RNF169: variants seen among roughly 807,000 people sequenced by gnomAD.
RNF169 encodes the protein ring finger protein 169.
A neutral mutation model predicts 53.9 loss-of-function variants in RNF169; 24 were observed. That is an observed-to-expected ratio of 0.45 (90% confidence interval 0.32 to 0.63). The LOEUF is 0.63. Ranked by LOEUF, RNF169 falls within the 20% of genes least tolerant of loss-of-function variation. The pLI, the probability that RNF169 is intolerant of heterozygous loss-of-function variation, is 0.04. For synonymous variants in RNF169, 396 were observed against 363.5 expected (o/e 1.09, Z -1.02); for missense variants, 883 against 906.2 (o/e 0.97, Z 0.33).
intron 1 of RNF169, among the ~76,000 whole-genome samples, chr11:74,762,579 C>T (rs554439308): frequency 7.2e-5 from 11 of 152,318 alleles, no homozygotes; most frequent in African/African-American, 1.4e-4. Context: ...CCGTCTTCTG[C>T]GTCGCTCACG....
intron 2 of RNF169, among the ~76,000 whole-genome samples, chr11:74,792,042 T>A (rs1161686902): frequency 6.6e-6 from 1 of 152,222 alleles, no homozygotes; most frequent in African/African-American, 2.4e-5. Context: ...AGAGAAAAGA[T>A]CATAGGAAAC....
At chr11:74,785,254 G>GATAT (rs372269376) in intron 1 of RNF169, among the ~76,000 whole-genome samples, 24,567 of 135,568 alleles carry the variant, frequency 0.18, 2,484 homozygotes, top group South Asian at 0.39. Flanking sequence ...ATATATGTTA[G>GATAT]ATATATATGT....
At chr11:74,788,310 C>CAG (rs2035533666) in intron 1 of RNF169, among the ~76,000 whole-genome samples, 1 of 151,936 alleles carries the variant, frequency 6.6e-6, no homozygotes. Context: ...TAAACACACA[C>CAG]ACACACACAC....
At chr11:74,771,195 C>G (rs542481452) in intron 1 of RNF169, among the ~76,000 whole-genome samples, 1 of 152,208 alleles carries the variant, frequency 6.6e-6, no homozygotes, top group South Asian at 2.1e-4. Context: ...TTTGCCATCA[C>G]TTAAAGTAGA....
intron 2 of RNF169, among the ~76,000 whole-genome samples, chr11:74,799,305 T>C (rs2035696568): frequency 6.6e-6 from 1 of 152,044 alleles, no homozygotes; most frequent in African/African-American, 2.4e-5. Flanking sequence ...TTTAACTACA[T>C]GAGGGAAGAA....
At chr11:74,796,651 G>T (rs1489448729) in intron 2 of RNF169, among the ~76,000 whole-genome samples, 1 of 151,976 alleles carries the variant, frequency 6.6e-6, no homozygotes, top group African/African-American at 2.4e-5. Flanking sequence ...TGAATCATTG[G>T]ACTCTGAAAG....
At chr11:74,757,076 C>T (rs2034995629) in intron 1 of RNF169, among the ~76,000 whole-genome samples, 1 of 143,320 alleles carries the variant, frequency 7.0e-6, no homozygotes. Context: ...ATACATGTGC[C>T]ATGCTGGTGC....
chr11:74,764,716 G>C (rs115625173), intron 1 of RNF169, among the ~76,000 whole-genome samples: 1,689 of 152,224 alleles, frequency 0.011, 31 homozygotes, highest in African/African-American at 0.037. Context: ...AGCCAGTGTT[G>C]ACTGTATAAA....
chr11:74,820,348 G>A (rs1473386670), intron 4 of RNF169, among the ~76,000 whole-genome samples: 1 of 152,044 alleles, frequency 6.6e-6, no homozygotes, highest in East Asian at 1.9e-4. Context: ...TAGGGCAGGG[G>A]GGTTTACTCT....
intron 1 of RNF169, among the ~76,000 whole-genome samples, chr11:74,772,472 G>GTTTT (rs35350939): frequency 1.6e-5 from 2 of 128,168 alleles, no homozygotes; most frequent in Non-Finnish European, 1.7e-5. Flanking sequence ...AGGGATGCTG[G>GTTTT]TTTTTTTTTT....
intron 2 of RNF169, among the ~76,000 whole-genome samples, chr11:74,799,250 T>C (rs950709062): frequency 2.6e-5 from 4 of 151,658 alleles, no homozygotes; most frequent in African/African-American, 9.7e-5. Context: ...AGGTAACAGG[T>C]GTGGTATTAA....
Position 74,834,749 on chromosome 11 carries a change from A to G in RNF169, c.916A>G (p.Arg306Gly). Residue 306 changes from arginine (R) to glycine (G), a missense_variant, in exon 5 of 6, where the codon AGA (arginine) becomes GGA (glycine). Arg to Gly is a moderately radical substitution (Grantham distance 125, BLOSUM62 -2). Transcript: ENST00000299563. Reference protein sequence around the residue: ...TAQERAKSRVRAVPGNKAKVT... With the variant: ...TAQERAKSRVGAVPGNKAKVT... ...CCAGGAAAGAGCGAAGAGCAGAGTCAGAGCAGTTCCAGGCAACAAAGCCAA... is the reference window on the plus strand; with the variant it reads ...CCAGGAAAGAGCGAAGAGCAGAGTCGGAGCAGTTCCAGGCAACAAAGCCAA... 6.2e-7 allele frequency: 1 copy of G among 1,614,136 alleles called. No homozygotes were observed. The highest frequency in any genetic ancestry group is 2.2e-5 in the East Asian group (1 of 44,880).
At chr11:74,835,155 T>G (rs928068030) in intron 5 of RNF169, among the ~76,000 whole-genome samples, 1 of 152,168 alleles carries the variant, frequency 6.6e-6, no homozygotes, top group Non-Finnish European at 1.5e-5. Context: ...GGGGAATTTT[T>G]AAATTTTTTT....
intron 2 of RNF169, among the ~76,000 whole-genome samples, chr11:74,792,261 A>G (rs1003448563): frequency 6.6e-6 from 1 of 152,248 alleles, no homozygotes; most frequent in Non-Finnish European, 1.5e-5. Flanking sequence ...GAATGTACAC[A>G]TACAATATTT....
At chr11:74,772,565 A>G (rs1203981513) in intron 1 of RNF169, among the ~76,000 whole-genome samples, 2 of 150,672 alleles carry the variant, frequency 1.3e-5, no homozygotes, top group Non-Finnish European at 2.9e-5. Context: ...TGCATAGCCA[A>G]CTGCCTGGTT....
At position 74,840,892 on chromosome 11, in the gene RNF169, C is replaced by G. The variant is rs1381439864; in HGVS notation, c.*4162C>G. ...TAAATAATCATTAAAGTTTGACACA[C>G]GCAGACACACGCACCAATGATGGGG... On this transcript the variant is annotated 3_prime_UTR_variant, in exon 6 of 6. Transcript: ENST00000299563. 2 of 150,222 alleles carry G rather than the reference C, an allele frequency of 1.3e-5. No homozygotes were observed. The highest frequency in any genetic ancestry group is 4.9e-5 in the African/African-American group (2 of 40,760). 9.3% of individuals were successfully genotyped at this position (150,222 alleles called of 1,614,324 possible).
intron 4 of RNF169, among the ~76,000 whole-genome samples, chr11:74,825,351 G>A (rs2036079252): frequency 6.6e-6 from 1 of 152,192 alleles, no homozygotes; most frequent in Non-Finnish European, 1.5e-5. Flanking sequence ...TTTAAAACCA[G>A]TGAGCCAAAG....
At chr11:74,759,642 G>A (rs963900252) in intron 1 of RNF169, among the ~76,000 whole-genome samples, 3 of 145,628 alleles carry the variant, frequency 2.1e-5, no homozygotes, top group Non-Finnish European at 3.0e-5. Flanking sequence ...AACCAGCCTT[G>A]CATCCCAGGG....
At chr11:74,826,448 G>T (rs2036099245) in intron 4 of RNF169, among the ~76,000 whole-genome samples, 1 of 152,274 alleles carries the variant, frequency 6.6e-6, no homozygotes, top group Admixed American at 6.5e-5. Flanking sequence ...GACACATGGG[G>T]ATTATGAGGT....
Sources: allele counts gnomAD v4.1 joint callset (sites outside exome capture counted in the v4.1 genomes callset), GRCh38; gene constraint gnomAD v4.1.1; transcripts MANE v1.5; gene names NCBI Gene and HGNC (gene_info 2026-07-23, HGNC 2026-07-21).